SFPQ: variants seen among roughly 807,000 people sequenced by gnomAD.
The protein encoded by SFPQ is splicing factor, proline- and glutamine-rich.
A neutral mutation model predicts 72.9 loss-of-function variants in SFPQ; 11 were observed. That is an observed-to-expected ratio of 0.15 (90% CI 0.09 to 0.25). The LOEUF (loss-of-function observed/expected upper bound fraction) is 0.25. SFPQ is among the 10% of genes least tolerant of loss of function. SFPQ has a pLI of 1.00. For synonymous variants in SFPQ, 506 were observed against 367.3 expected (o/e 1.38, Z -4.32); for missense variants, 847 against 993.3 (o/e 0.85, Z 1.98).
downstream of SFPQ, chr1:35,182,403 G>C: frequency 3.0e-6 from 3 of 985,272 alleles, no homozygotes; most frequent in Non-Finnish European, 3.6e-6. Context: ...ATATTTCCGA[G>C]TGTGCTGGTG....
chr1:35,181,605 GT>G, downstream of SFPQ: 1 of 1,059,486 alleles, frequency 9.4e-7, no homozygotes, highest in Non-Finnish European at 1.1e-6. Flanking sequence ...ACAATATGCA[GT>G]TTTTAAAGAT....
chr1:35,178,271 T>C (rs1639329531), downstream of SFPQ: 4 of 1,098,678 alleles, frequency 3.6e-6, no homozygotes, highest in African/African-American at 1.6e-5. Flanking sequence ...CTTTAAAATG[T>C]AAAAGCCTGA....
chr1:35,190,300 A>G (rs1639933290), intron 4 of SFPQ, among the ~76,000 whole-genome samples, 198 bp downstream of exon 4: 2 of 152,256 alleles, frequency 1.3e-5, no homozygotes, highest in Admixed American at 1.3e-4. Flanking sequence ...ACAGGACTGC[A>G]TGTGAATGTA....
exon 6 of SFPQ, chr1:35,176,439 C>G (rs1639239949): frequency 6.6e-6 from 1 of 152,114 alleles, no homozygotes; most frequent in Non-Finnish European, 1.5e-5. Context: ...TCCACTCCTT[C>G]TCGTTGGTTT....
chr1:35,179,631 G>GT (rs1282828810), downstream of SFPQ: 1 of 1,054,744 alleles, frequency 9.5e-7, no homozygotes. Context: ...ATTAAAGCTA[G>GT]TAAGAACACA....
downstream of SFPQ, chr1:35,180,689 T>G (rs1005880532): frequency 1.9e-6 from 2 of 1,056,412 alleles, no homozygotes; most frequent in African/African-American, 3.3e-5. Flanking sequence ...TTACCAAGAT[T>G]GCATAATGAA....
In SFPQ at chr1:35,192,540, T is replaced by C. The variant is rs1640077139; in HGVS notation, c.510A>G (p.Pro170=). The C allele has an allele frequency of 1.5e-6, 2 of 1,325,516 alleles. No homozygotes were observed. The highest frequency in any genetic ancestry group is 4.2e-5 in the Admixed American group (1 of 24,050). 82.1% of individuals were successfully genotyped at this position (1,325,516 alleles called of 1,614,324 possible). ...APPGAPPPTP[P]SSGVPTTPPQ... ...GAGGTGTGGTAGGGACCCCGCTGCT[T>C]GGCGGGGTGGGTGGCGGCGCCCCGG... Residue 170 remains proline (P), a synonymous_variant, in exon 1 of 10, where the codon CCA becomes CCG. Transcript: ENST00000357214.
chr1:35,190,035 C>A (rs758752084), intron 4 of SFPQ, among the ~76,000 whole-genome samples: 1 of 151,890 alleles, frequency 6.6e-6, no homozygotes, highest in South Asian at 2.1e-4. Flanking sequence ...CCGAGGTGGG[C>A]GACTCACCTG....
Position 35,192,941 on chromosome 1 carries a change from C to G in SFPQ, c.109G>C (p.Gly37Arg). The change falls in exon 1 of 10, where the codon GGC becomes CGC. Residue 37 changes from glycine (G) to arginine (R), a missense_variant. By Grantham distance (125) the Gly-to-Arg change is moderately radical. Coordinates refer to ENST00000357214, the MANE Select transcript of SFPQ (RefSeq NM_005066.3). ...GLHDFRSPPP[G>R]MGLNQNRGPM... The stretch of plus-strand genomic sequence containing the variant: ...CCGCGATTCTGATTGAGGCCCATGC[C>G]GGGCGGCGGAGAACGGAAGTCGTGG... The G allele has an allele frequency of 6.5e-6, 10 of 1,542,256 alleles. No homozygotes were observed. The highest frequency in any genetic ancestry group is 8.7e-6 in the Non-Finnish European group (10 of 1,147,668).
chr1:35,191,214 G>T, intron 2 of SFPQ, 127 bp downstream of exon 2: 1 of 895,562 alleles, frequency 1.1e-6, no homozygotes, highest in Non-Finnish European at 1.7e-6. Context: ...TTTCCTGTAA[G>T]AATGGTGAAA....
At chr1:35,191,131 C>T (rs1639975716) in intron 2 of SFPQ, 136 bp from the exon 3 acceptor site, 12 of 858,766 alleles carry the variant, frequency 1.4e-5, no homozygotes, top group Non-Finnish European at 2.2e-5. Flanking sequence ...CACCCACTAA[C>T]ACCACTTAGT....
rs1158806978 is a variant in SFPQ at position 35,192,458 on chromosome 1, G to T, written c.592C>A (p.Pro198Thr). Reference protein sequence around the residue: ...PAAVPGPGPGPKQGPGPGGPK... With the variant: ...PAAVPGPGPGTKQGPGPGGPK... ...CCACCCGGACCTGGGCCCTGCTTAG[G>T]CCCTGGACCCGGGCCCGGGACTGCC... Residue 198 changes from proline to threonine, a missense_variant, in exon 1 of 10, where the codon CCT (proline) becomes ACT (threonine). Physicochemically the swap from Pro to Thr is conservative, Grantham distance 38 (BLOSUM62 -1). Around this residue, in one of 6 missense-constraint regions of SFPQ, gnomAD observed 498 missense variants for 405.1 expected, o/e 1.23. Coordinates refer to ENST00000357214, the MANE Select transcript of SFPQ (RefSeq NM_005066.3). 4 of 1,358,858 alleles carry T rather than the reference G, an allele frequency of 2.9e-6. No individual in the cohort carries two copies. Among genetic ancestry groups the T allele is most frequent in the Non-Finnish European group, 3.8e-6 (4 of 1,064,008 alleles). The allele number at this position is 1,358,858 out of a possible 1,614,324, so 84.2% of individuals were successfully genotyped here.
rs1640079086 is a variant in SFPQ at position 35,192,564 on chromosome 1, G to A, written c.486C>T (p.Pro162=). The A allele has an allele frequency of 7.5e-6, 10 of 1,328,150 alleles. No individual in the cohort carries two copies. Among genetic ancestry groups the A allele is most frequent in the South Asian group, 2.1e-5 (1 of 48,734 alleles). The allele number at this position is 1,328,150 out of a possible 1,614,324, so 82.3% of individuals were successfully genotyped here. The part of the protein sequence containing the change: ...TPPPAVTSAP[P]GAPPPTPPSS... ...TTGGCGGGGTGGGTGGCGGCGCCCCGGGAGGGGCCGAGGTGACTGCAGGCG... is the reference window on the plus strand; with the variant it reads ...TTGGCGGGGTGGGTGGCGGCGCCCCAGGAGGGGCCGAGGTGACTGCAGGCG... Residue 162 remains proline (P), a synonymous_variant, in exon 1 of 10, where the codon CCC becomes CCT. Transcript: ENST00000357214.
At position 35,183,023 on chromosome 1, in the gene SFPQ, CG is replaced by C; in HGVS notation, c.*1432del. The C allele has an allele frequency of 9.7e-7, 1 of 1,035,566 alleles. No homozygotes were observed. Among genetic ancestry groups the C allele is most frequent in the East Asian group, 6.0e-5 (1 of 16,668 alleles). 64.1% of individuals were successfully genotyped at this position (1,035,566 alleles called of 1,614,324 possible). On this transcript the variant is annotated 3_prime_UTR_variant, in exon 10 of 10. Coordinates refer to ENST00000357214, the MANE Select transcript of SFPQ (RefSeq NM_005066.3). The stretch of plus-strand genomic sequence containing the variant: ...CTCCAGATTTAGTGCTACATGAAAA[CG>C]AAACTATGTGAAAACAAGTTAAATT...
intron 6 of SFPQ, 61 bp downstream of exon 6, chr1:35,188,942 C>T (rs896716254): frequency 1.5e-6 from 2 of 1,365,118 alleles, no homozygotes; most frequent in South Asian, 1.2e-5. Flanking sequence ...GCCCGGGCAA[C>T]AGAATGATAC....
At chr1:35,184,622 A>AT in intron 9 of SFPQ, 29 bp from the exon 10 acceptor site, 1 of 1,526,552 alleles carries the variant, frequency 6.6e-7, no homozygotes, top group Non-Finnish European at 8.8e-7. Context: ...ACAGTTCATT[A>AT]TAAGTAGTTG....
At chr1:35,177,932 A>G (rs964357398) in intron 4 of SFPQ, 20 of 809,464 alleles carry the variant, frequency 2.5e-5, no homozygotes, top group Non-Finnish European at 3.3e-5. Flanking sequence ...TCTAAATGAA[A>G]TTATTTAAAT....
chr1:35,181,658 A>C, downstream of SFPQ: 1 of 1,060,576 alleles, frequency 9.4e-7, no homozygotes, highest in Non-Finnish European at 1.1e-6. Context: ...TCTTAAAACA[A>C]AATTATGAGA....
intron 5 of SFPQ, chr1:35,176,583 T>C (rs188004704): frequency 3.9e-5 from 6 of 152,224 alleles, no homozygotes; most frequent in African/African-American, 1.4e-4. Context: ...GAAATCTTAT[T>C]AATCGGCCTG....
Sources: gnomAD v4.1 joint callset for allele counts (sites outside exome capture counted in the v4.1 genomes callset) on GRCh38, gnomAD v4.1.1 for gene constraint, gnomAD v4.1.1 regional missense constraint, MANE v1.5 for transcripts, NCBI Gene and HGNC (gene_info 2026-07-23, HGNC 2026-07-21) for gene names.